Variants in EYA3 observed in about 807,000 individuals in gnomAD.
EYA3 encodes the protein protein phosphatase EYA3.
Under a neutral mutation model 80.0 loss-of-function variants are expected in EYA3, and 39 were observed. The observed-to-expected ratio is 0.49, with a 90% CI of 0.38 to 0.64. The LOEUF is 0.64. EYA3 is among the 30% of genes least tolerant of loss of function. The pLI, the probability that EYA3 is intolerant of heterozygous loss-of-function variation, is 0.00. For missense variants in EYA3, 523 were observed against 676.1 expected (o/e 0.77, Z 2.51); for synonymous variants, 206 against 232.8 (o/e 0.88, Z 1.05).
At position 27,997,305 on chromosome 1, in the gene EYA3, CATT is replaced by C. The variant is rs1298421230; in HGVS notation, c.1142+12_1142+14del. On this transcript the variant is annotated intron_variant, in intron 13 of 17. Coordinates refer to ENST00000373871, the MANE Select transcript of EYA3 (RefSeq NM_001990.4). ...AACAGGTGTACTGGTGTTCAAGAAT[CATT>C]ATGTTTATCACCTCAAGTCTTGGCC... 2 of 1,612,306 alleles carry C rather than the reference CATT, an allele frequency of 1.2e-6. No homozygotes were observed. The highest frequency in any genetic ancestry group is 1.7e-5 in the Admixed American group (1 of 60,018).
chr1:28,020,913 A>G (rs1427756667), intron 7 of EYA3, among the ~76,000 whole-genome samples: 1 of 152,154 alleles, frequency 6.6e-6, no homozygotes, highest in Non-Finnish European at 1.5e-5. Context: ...TGTTTTGACA[A>G]TGGAGCTGCA....
At chr1:28,068,774 G>T (rs1644921727) in intron 1 of EYA3, among the ~76,000 whole-genome samples, 1 of 152,090 alleles carries the variant, frequency 6.6e-6, no homozygotes, top group Admixed American at 6.5e-5. Flanking sequence ...TACAGACTTT[G>T]ATTTACTGGG....
intron 9 of EYA3, among the ~76,000 whole-genome samples, 193 bp from the exon 10 acceptor site, chr1:28,011,279 A>G (rs1286929572): frequency 6.6e-6 from 1 of 152,232 alleles, no homozygotes; most frequent in Non-Finnish European, 1.5e-5. Context: ...ACATCAGAAA[A>G]GTTATAACCA....
chr1:27,987,506 T>C (rs1293482229), intron 16 of EYA3, among the ~76,000 whole-genome samples: 1 of 152,172 alleles, frequency 6.6e-6, no homozygotes, highest in East Asian at 1.9e-4. Context: ...CTCTCAGATA[T>C]TTACGCAGAA....
Position 27,993,313 on chromosome 1 carries a change from G to A in EYA3, c.1303+87C>T, listed in dbSNP as rs1640201585. On this transcript the variant is annotated intron_variant, in intron 14 of 17. Transcript: ENST00000373871. The stretch of plus-strand genomic sequence containing the variant: ...ACTGTGGCATAATTTATAAGCAGTT[G>A]TCATGGGGAATCTAAGGAATCCCTG... 1.3e-5 allele frequency: 17 copies of A among 1,358,514 alleles called. No homozygotes were observed. In the South Asian group the frequency reaches 2.0e-4, roughly 16 times the overall value. 84.2% of individuals were successfully genotyped at this position (1,358,514 alleles called of 1,614,324 possible). A position where few individuals can be genotyped will look rare whatever the true frequency, so the allele number is the denominator to read the frequency against.
chr1:27,978,499 T>G lies in EYA3; in HGVS notation c.1541-25A>C, dbSNP rs780339974. The G allele has an allele frequency of 1.9e-6, 3 of 1,578,818 alleles. No homozygotes were observed. The East Asian group carries it at 6.7e-5, about 35-fold the overall frequency. Reference sequence around the variant, plus strand: ...CCTGATGAGAAAAAGAAATTTCCTGTTAGAATACTCTTCTCTTCTTTTCAA... The same window carrying G: ...CCTGATGAGAAAAAGAAATTTCCTGGTAGAATACTCTTCTCTTCTTTTCAA... On this transcript the variant is annotated intron_variant, in intron 16 of 17. Transcript: ENST00000373871.
intron 11 of EYA3, 49 bp from the exon 12 acceptor site, chr1:28,000,098 G>T: frequency 7.4e-7 from 1 of 1,350,242 alleles, no homozygotes; most frequent in Non-Finnish European, 1.0e-6. Flanking sequence ...TCACAGTCCT[G>T]GTTCTAATCT....
At chr1:27,997,690 C>T (rs984556404) in intron 12 of EYA3, among the ~76,000 whole-genome samples, 2 of 152,196 alleles carry the variant, frequency 1.3e-5, no homozygotes, top group Admixed American at 6.5e-5. Context: ...ATGTCCTACA[C>T]CAGACTGTAA....
At chr1:28,037,838 TAAAG>T (rs1643538358) in intron 5 of EYA3, among the ~76,000 whole-genome samples, 1 of 152,212 alleles carries the variant, frequency 6.6e-6, no homozygotes, top group African/African-American at 2.4e-5. Context: ...AACAGCCCCA[TAAAG>T]TATCTCTTGC....
At chr1:28,061,591 GT>G (rs61325259) in intron 1 of EYA3, among the ~76,000 whole-genome samples, 81 of 144,802 alleles carry the variant, frequency 5.6e-4, no homozygotes, top group Middle Eastern at 7.2e-3. Context: ...AATTTAACGT[GT>G]TTTTTTTTTT....
intron 1 of EYA3, among the ~76,000 whole-genome samples, chr1:28,064,285 CAT>C (rs1252792705): frequency 4.0e-5 from 6 of 151,812 alleles, no homozygotes; most frequent in Admixed American, 6.6e-5. Flanking sequence ...GTGTATGACT[CAT>C]GTGACAGATG....
chr1:28,075,936 T>TACTAAC (rs1645184098), intron 1 of EYA3, among the ~76,000 whole-genome samples: 1 of 152,218 alleles, frequency 6.6e-6, no homozygotes, highest in African/African-American at 2.4e-5. Context: ...CTTACTAACA[T>TACTAAC]ATCCACTCAG....
intron 16 of EYA3, among the ~76,000 whole-genome samples, chr1:27,983,926 A>G (rs1024860358): frequency 1.3e-5 from 2 of 152,228 alleles, no homozygotes; most frequent in African/African-American, 4.8e-5. Context: ...AAGTGCTGGG[A>G]TTACAGGCAT....
At chr1:28,070,158 G>GT (rs949387213) in intron 1 of EYA3, among the ~76,000 whole-genome samples, 7 of 152,130 alleles carry the variant, frequency 4.6e-5, no homozygotes, top group African/African-American at 1.7e-4. Flanking sequence ...CAAAGTTTAT[G>GT]TTTTTTGTTT....
At chr1:28,066,932 ACTGT>A (rs1644854606) in intron 1 of EYA3, among the ~76,000 whole-genome samples, 1 of 152,168 alleles carries the variant, frequency 6.6e-6, no homozygotes, top group African/African-American at 2.4e-5. Flanking sequence ...GAGAAAAAAG[ACTGT>A]CTCACTACTA....
chr1:27,982,788 G>T (rs1639398774), intron 16 of EYA3, among the ~76,000 whole-genome samples: 1 of 151,724 alleles, frequency 6.6e-6, no homozygotes, highest in Non-Finnish European at 1.5e-5. Context: ...GTTTCACCAT[G>T]TTGGCCAGGC....
intron 11 of EYA3, among the ~76,000 whole-genome samples, chr1:28,000,952 G>C (rs1640792504): frequency 2.0e-5 from 3 of 151,936 alleles, no homozygotes; most frequent in Admixed American, 2.0e-4. Context: ...GCAGTCCCAG[G>C]TACTTGGAAG....
At chr1:28,051,341 A>G (rs2148884836) in intron 2 of EYA3, among the ~76,000 whole-genome samples, 1 of 152,194 alleles carries the variant, frequency 6.6e-6, no homozygotes, top group Non-Finnish European at 1.5e-5. Flanking sequence ...GCAGTGAACA[A>G]TTCAAAAATG....
intron 16 of EYA3, among the ~76,000 whole-genome samples, chr1:27,982,798 C>A (rs1249969846): frequency 1.3e-5 from 2 of 152,136 alleles, no homozygotes; most frequent in African/African-American, 4.8e-5. Flanking sequence ...GTTGGCCAGG[C>A]AGGTGATCCA....
Sources: gnomAD v4.1 joint callset for allele counts (sites outside exome capture counted in the v4.1 genomes callset) on GRCh38, gnomAD v4.1.1 for gene constraint, MANE v1.5 for transcripts, NCBI Gene and HGNC (gene_info 2026-07-23, HGNC 2026-07-21) for gene names.